Variants in ZC3H3 observed in about 807,000 individuals in gnomAD.
ZC3H3 encodes the protein zinc finger CCCH domain-containing protein 3.
A neutral mutation model predicts 77.3 loss-of-function variants in ZC3H3; 36 were observed. That is an observed-to-expected ratio of 0.47 (90% confidence interval 0.36 to 0.61). ZC3H3 has a LOEUF of 0.61. Among genes scored for constraint, ZC3H3 ranks in the 20% least tolerant of loss-of-function variants. ZC3H3 has a pLI of 0.00. For missense variants in ZC3H3, 1,331 were observed against 1,312.2 expected (o/e 1.01, Z -0.22); for synonymous variants, 626 against 555.2 (o/e 1.13, Z -1.79).
chr8:143,445,810 C>T (rs1678199951), intron 9 of ZC3H3, among the ~76,000 whole-genome samples: 1 of 152,114 alleles, frequency 6.6e-6, no homozygotes, highest in South Asian at 2.1e-4. Context: ...TCCACCAAAC[C>T]GAGCTACAGA....
At chr8:143,499,498 T>C (rs1214652581) in intron 4 of ZC3H3, among the ~76,000 whole-genome samples, 2 of 152,108 alleles carry the variant, frequency 1.3e-5, no homozygotes, top group South Asian at 2.1e-4. Context: ...AGTGGGTGCA[T>C]CTCTCCTCCC....
At chr8:143,479,454 A>G (rs1820846688) in intron 4 of ZC3H3, among the ~76,000 whole-genome samples, 1 of 152,192 alleles carries the variant, frequency 6.6e-6, no homozygotes, top group African/African-American at 2.4e-5. Context: ...CCTTTTCCGC[A>G]ACGGGAGCTG....
intron 9 of ZC3H3, among the ~76,000 whole-genome samples, chr8:143,443,997 C>CA (rs1339448677): frequency 7.1e-6 from 1 of 140,852 alleles, no homozygotes; most frequent in Non-Finnish European, 1.5e-5. Context: ...TTTTCTGAGA[C>CA]AGAGTCTTGC....
intron 3 of ZC3H3, among the ~76,000 whole-genome samples, chr8:143,508,863 C>A (rs1009170591): frequency 6.6e-6 from 1 of 152,208 alleles, no homozygotes; most frequent in Non-Finnish European, 1.5e-5. Context: ...TCTTGGCCCC[C>A]ACAGCCAAAC....
chr8:143,481,982 C>T (rs1461893705), intron 4 of ZC3H3, among the ~76,000 whole-genome samples: 1 of 152,224 alleles, frequency 6.6e-6, no homozygotes, highest in Non-Finnish European at 1.5e-5. Flanking sequence ...TGAAAGGGGG[C>T]TGCACCCACC....
intron 3 of ZC3H3, among the ~76,000 whole-genome samples, chr8:143,515,790 A>C (rs1294210687): frequency 4.6e-5 from 7 of 152,324 alleles, no homozygotes; most frequent in African/African-American, 1.7e-4. Context: ...GGGCTGGGCC[A>C]AGGAGCCTTC....
chr8:143,473,315 C>T (rs907319933), intron 5 of ZC3H3, among the ~76,000 whole-genome samples: 7 of 152,202 alleles, frequency 4.6e-5, no homozygotes, highest in Non-Finnish European at 1.0e-4. Flanking sequence ...GCTTCTGTCC[C>T]TTCTGGGCCC....
At chr8:143,506,329 T>A (rs1377478660) in intron 4 of ZC3H3, among the ~76,000 whole-genome samples, 1 of 152,192 alleles carries the variant, frequency 6.6e-6, no homozygotes, top group Non-Finnish European at 1.5e-5. Flanking sequence ...GAGCGGAGAA[T>A]CCATAAATCT....
At chr8:143,525,095 A>G (rs1427149066) in intron 3 of ZC3H3, among the ~76,000 whole-genome samples, 2 of 47,778 alleles carry the variant, frequency 4.2e-5, no homozygotes, top group African/African-American at 1.2e-4. Context: ...CGTGAGCCCC[A>G]AGGCCCAGGC....
At chr8:143,532,180 T>C (rs529053913) in intron 3 of ZC3H3, among the ~76,000 whole-genome samples, 25 of 152,260 alleles carry the variant, frequency 1.6e-4, no homozygotes, top group Admixed American at 2.6e-4. Flanking sequence ...AGGTTATTGC[T>C]GCAAATTACT....
At chr8:143,506,306 G>A (rs980844058) in intron 4 of ZC3H3, among the ~76,000 whole-genome samples, 3 of 152,238 alleles carry the variant, frequency 2.0e-5, no homozygotes, top group African/African-American at 7.2e-5. Flanking sequence ...GACGACCACA[G>A]GACGGGAAGC....
At chr8:143,446,293 T>C (rs892333737) in intron 9 of ZC3H3, among the ~76,000 whole-genome samples, 2 of 152,176 alleles carry the variant, frequency 1.3e-5, no homozygotes, top group Non-Finnish European at 2.9e-5. Context: ...GGGTGCAAAA[T>C]GTAAAGAAAA....
intron 3 of ZC3H3, among the ~76,000 whole-genome samples, chr8:143,511,481 C>T (rs900804378): frequency 6.6e-6 from 1 of 152,232 alleles, no homozygotes; most frequent in African/African-American, 2.4e-5. Flanking sequence ...ACTAGAATTA[C>T]TACTCTGTGC....
chr8:143,530,461 T>C lies in ZC3H3; in HGVS notation c.1561+5796A>G, dbSNP rs1412166531. ...TGGCGTAAAATAGCAGACGTTTCCA[T>C]GTGGCTGGTAGGAATCCCATCACCT... is the stretch of plus-strand genomic sequence containing the variant. On this transcript the variant is annotated intron_variant, in intron 3 of 11. Transcript: ENST00000262577. The surrounding 1 kb of genome is among the most constrained non-coding windows in gnomAD (Gnocchi z 4.3). Among the ~76,000 whole-genome samples the C allele has an allele frequency of 6.6e-6, 1 of 152,132 alleles. No individual in the cohort carries two copies. Among genetic ancestry groups the C allele is most frequent in the African/African-American group, 2.4e-5 (1 of 41,418 alleles).
chr8:143,452,828 C>T (rs1464190016), intron 9 of ZC3H3, among the ~76,000 whole-genome samples: 4 of 152,092 alleles, frequency 2.6e-5, no homozygotes, highest in African/African-American at 9.7e-5. Flanking sequence ...GACCTTGGGA[C>T]CACAACAAAA....
chr8:143,523,642 G>A, intron 3 of ZC3H3: 1 of 698,440 alleles, frequency 1.4e-6, no homozygotes, highest in Non-Finnish European at 1.8e-6. Flanking sequence ...TGGGCAGGCA[G>A]ACCCTCTGCT....
chr8:143,506,923 C>G (rs1554644505), intron 4 of ZC3H3, among the ~76,000 whole-genome samples: 1 of 152,258 alleles, frequency 6.6e-6, no homozygotes, highest in Non-Finnish European at 1.5e-5. Context: ...GGCTGCTCGC[C>G]CTGAGGCCCT....
chr8:143,525,063 T>C (rs1312976802), intron 3 of ZC3H3, among the ~76,000 whole-genome samples: 2 of 152,244 alleles, frequency 1.3e-5, no homozygotes, highest in East Asian at 3.8e-4. Context: ...CACACCTCCC[T>C]TGAAATGCCA....
intron 8 of ZC3H3, among the ~76,000 whole-genome samples, chr8:143,467,660 T>C (rs1820447448): frequency 6.6e-6 from 1 of 152,182 alleles, no homozygotes; most frequent in Non-Finnish European, 1.5e-5. Context: ...AGGGCTCTCT[T>C]GCTGCTTCCC....
Sources: allele counts gnomAD v4.1 joint callset (sites outside exome capture counted in the v4.1 genomes callset), GRCh38; gene constraint gnomAD v4.1.1; non-coding constraint Gnocchi (gnomAD v3.1); transcripts MANE v1.5; gene names NCBI Gene and HGNC (gene_info 2026-07-23, HGNC 2026-07-21).